The following LAPTM4A variants were observed in gnomAD, a reference collection of about 807,000 sequenced individuals.
The protein encoded by LAPTM4A is lysosomal-associated transmembrane protein 4A.
LAPTM4A carries 19 observed loss-of-function variants against 29.9 expected under a neutral mutation model. The observed-to-expected ratio is 0.64, with a 90% confidence interval of 0.44 to 0.93. The LOEUF (loss-of-function observed/expected upper bound fraction) is 0.93, where lower values mean the gene tolerates loss of function less well. LAPTM4A is among the 40% of genes least tolerant of loss of function. LAPTM4A has a pLI of 0.00. For synonymous variants in LAPTM4A, 105 were observed against 102.1 expected (o/e 1.03, Z -0.17); for missense variants, 293 against 288.5 (o/e 1.02, Z -0.11).
chr2:20,040,851 TAGC>T, intron 2 of LAPTM4A, 37 bp downstream of exon 2: 1 of 1,587,566 alleles, frequency 6.3e-7, no homozygotes, highest in Non-Finnish European at 8.6e-7. Context: ...ATATAAAAAT[TAGC>T]AGGGGAGATT....
rs1674076445 is a variant in LAPTM4A, at chr2:20,051,582, A to C, written c.-62T>G. 1 of 1,084,624 alleles carries C rather than the reference A, an allele frequency of 9.2e-7. No individual in the cohort carries two copies. Among genetic ancestry groups the C allele is most frequent in the Admixed American group, 2.2e-5 (1 of 45,638 alleles). 67.2% of individuals were successfully genotyped at this position (1,084,624 alleles called of 1,614,324 possible). On this transcript the variant is annotated 5_prime_UTR_variant, in exon 1 of 7. Transcript: ENST00000175091. ...ACAAACGTTCTCCACCCGCAGCCAA[A>C]CTCAAACGGCTGTTTCACGGCCTCC...
At position 20,033,262 on chromosome 2, in the gene LAPTM4A, A is replaced by G. The variant is rs1244980505; in HGVS notation, c.645T>C (p.Tyr215=). The change falls in exon 7 of 7, where the codon TAT becomes TAC. Residue 215 remains tyrosine (Y), a synonymous_variant. Transcript: ENST00000175091. The part of the protein sequence containing the change: ...EAPPQYVLPT[Y]EMAVKMPEKE... Reference sequence around the variant, plus strand: ...TTTCAGGCATTTTCACGGCCATTTCATAGGTTGGCAAAACGTACTAAAGAG... The same window carrying G: ...TTTCAGGCATTTTCACGGCCATTTCGTAGGTTGGCAAAACGTACTAAAGAG... 1 of 1,614,004 alleles carries G rather than the reference A, an allele frequency of 6.2e-7. No homozygotes were observed. Among genetic ancestry groups the G allele is most frequent in the Non-Finnish European group, 8.5e-7 (1 of 1,179,894 alleles).
intron 4 of LAPTM4A, among the ~76,000 whole-genome samples, chr2:20,036,273 T>G (rs1051906756): frequency 2.0e-5 from 3 of 152,234 alleles, no homozygotes; most frequent in Admixed American, 6.5e-5. Flanking sequence ...TCTAGTGCCC[T>G]CACTATGCTG....
chr2:20,044,736 C>T (rs1345163800), intron 1 of LAPTM4A, among the ~76,000 whole-genome samples: 5 of 152,148 alleles, frequency 3.3e-5, no homozygotes, highest in African/African-American at 7.2e-5. Context: ...CAAAATAAAT[C>T]GTAGGGCCAA....
At chr2:20,046,748 T>TTATATATATATATATATAATATAA (rs1558387023) in intron 1 of LAPTM4A, among the ~76,000 whole-genome samples, 3 of 132,670 alleles carry the variant, frequency 2.3e-5, no homozygotes, top group Non-Finnish European at 5.0e-5. Context: ...TAAATATATA[T>TTATATATATATATATATAATATAA]TATATAAATA....
At chr2:20,036,282 T>G (rs1341116630) in intron 4 of LAPTM4A, among the ~76,000 whole-genome samples, 1 of 152,236 alleles carries the variant, frequency 6.6e-6, no homozygotes, top group African/African-American at 2.4e-5. Context: ...CTCACTATGC[T>G]GCTTCTTGCC....
At chr2:20,042,526 C>T (rs1440016448) in intron 1 of LAPTM4A, among the ~76,000 whole-genome samples, 3 of 152,178 alleles carry the variant, frequency 2.0e-5, no homozygotes, top group Non-Finnish European at 4.4e-5. Context: ...TCAGTATTTC[C>T]ATCTAAGTTA....
chr2:20,034,386 G>GC lies in LAPTM4A; in HGVS notation c.557dup (p.Cys186TrpfsTer3). Reference sequence around the variant, plus strand: ...CGTTTCGGTTGTTGATGTATTTATAGCAGTTCCAAACACAGTTAATTAGAT... The same window carrying GC: ...CGTTTCGGTTGTTGATGTATTTATAGCCAGTTCCAAACACAGTTAATTAGAT... On this transcript the variant is annotated frameshift_variant, in exon 6 of 7. Coordinates refer to ENST00000175091, the MANE Select transcript of LAPTM4A (RefSeq NM_014713.5). LOFTEE classifies it high-confidence loss of function. 1 of 1,613,776 alleles carries GC rather than the reference G, an allele frequency of 6.2e-7. No homozygotes were observed. The highest frequency in any genetic ancestry group is 8.5e-7 in the Non-Finnish European group (1 of 1,179,666).
intron 6 of LAPTM4A, among the ~76,000 whole-genome samples, chr2:20,033,778 C>A (rs965424054): frequency 2.0e-5 from 3 of 152,154 alleles, no homozygotes; most frequent in Admixed American, 6.5e-5. Flanking sequence ...ACATTCTAAT[C>A]GAAGTGACTC....
intron 1 of LAPTM4A, among the ~76,000 whole-genome samples, chr2:20,043,900 G>A (rs184097628): frequency 6.4e-4 from 97 of 152,324 alleles, no homozygotes; most frequent in Non-Finnish European, 3.2e-4. Flanking sequence ...CACAAGTCTG[G>A]TTTTTAAGAC....
At position 20,037,303 on chromosome 2, in the gene LAPTM4A, C is replaced by T; in HGVS notation, c.432+13G>A. 6.3e-7 allele frequency: 1 copy of T among 1,596,586 alleles called. No individual in the cohort carries two copies. Among genetic ancestry groups the T allele is most frequent in the South Asian group, 1.1e-5 (1 of 88,888 alleles). ...ATGAAAAAAAAATAAGTTTAATGAG[C>T]ATACACACTTACTAGTTGATCCAGA... is the stretch of plus-strand genomic sequence containing the variant. On this transcript the variant is annotated intron_variant, in intron 4 of 6. Coordinates refer to ENST00000175091, the MANE Select transcript of LAPTM4A (RefSeq NM_014713.5).
Position 20,033,268 on chromosome 2 carries a change from T to C in LAPTM4A, c.639A>G (p.Pro213=). 1 of 1,613,864 alleles carries C rather than the reference T, an allele frequency of 6.2e-7. No homozygotes were observed. The highest frequency in any genetic ancestry group is 8.5e-7 in the Non-Finnish European group (1 of 1,179,744). The change falls in exon 7 of 7, where the codon CCA becomes CCG. Residue 213 remains proline (P), a synonymous_variant. Transcript: ENST00000175091. The part of the protein sequence containing the change: ...AFEAPPQYVL[P]TYEMAVKMPE... ...GCATTTTCACGGCCATTTCATAGGTTGGCAAAACGTACTAAAGAGAGAAAA... is the reference window on the plus strand; with the variant it reads ...GCATTTTCACGGCCATTTCATAGGTCGGCAAAACGTACTAAAGAGAGAAAA...
intron 2 of LAPTM4A, among the ~76,000 whole-genome samples, chr2:20,038,706 G>A (rs145433695): frequency 3.3e-5 from 5 of 152,142 alleles, no homozygotes; most frequent in African/African-American, 9.6e-5. Context: ...GGATGGGCAC[G>A]GCAACCCACA....
intron 1 of LAPTM4A, among the ~76,000 whole-genome samples, chr2:20,042,341 T>C (rs1029587959): frequency 6.6e-5 from 10 of 152,336 alleles, no homozygotes; most frequent in Admixed American, 3.3e-4. Flanking sequence ...TCACACTTGA[T>C]TGTGCTAAGC....
intron 1 of LAPTM4A, among the ~76,000 whole-genome samples, chr2:20,041,518 G>T (rs943806124): frequency 6.6e-6 from 1 of 151,218 alleles, no homozygotes; most frequent in African/African-American, 2.4e-5. Flanking sequence ...TCTTACTTTT[G>T]TGTGTGTGTG....
chr2:20,051,229 T>C (rs1188986200), intron 1 of LAPTM4A, among the ~76,000 whole-genome samples, 181 bp downstream of exon 1: 1 of 151,814 alleles, frequency 6.6e-6, no homozygotes, highest in Non-Finnish European at 1.5e-5. Context: ...CCGACTCCGA[T>C]TCCTGAACAA....
chr2:20,034,561 C>T, intron 5 of LAPTM4A, 146 bp from the exon 6 acceptor site: 1 of 629,184 alleles, frequency 1.6e-6, no homozygotes, highest in South Asian at 1.9e-5. Context: ...AGGCCAGGCC[C>T]TTTCCCTACT....
rs142435258 is a variant in LAPTM4A, at chr2:20,046,290, T to C, written c.111+5120A>G. ...GTGCAGCAAACCAACATGGCACATGTATACCTATGCAACAAACCTGCACGC... is the reference window on the plus strand; with the variant it reads ...GTGCAGCAAACCAACATGGCACATGCATACCTATGCAACAAACCTGCACGC... On this transcript the variant is annotated intron_variant, in intron 1 of 6. Coordinates refer to ENST00000175091, the MANE Select transcript of LAPTM4A (RefSeq NM_014713.5). 3.4e-3 allele frequency among the ~76,000 whole-genome samples: 513 copies of C among 152,106 alleles called. 5 individuals carry two copies. Among genetic ancestry groups the C allele is most frequent in the African/African-American group, 0.012 (485 of 41,452 alleles).
intron 1 of LAPTM4A, among the ~76,000 whole-genome samples, chr2:20,045,336 T>A (rs377455579): frequency 6.6e-6 from 1 of 152,250 alleles, no homozygotes; most frequent in East Asian, 1.9e-4. Context: ...GACAGTGGTG[T>A]GTGCCTGTAG....
Sources: gnomAD v4.1 joint callset for allele counts (sites outside exome capture counted in the v4.1 genomes callset) on GRCh38, gnomAD v4.1.1 for gene constraint, MANE v1.5 for transcripts, NCBI Gene and HGNC (gene_info 2026-07-23, HGNC 2026-07-21) for gene names.